The following CCNI2 variants were observed in gnomAD, a reference collection of about 807,000 sequenced individuals.
CCNI2 encodes cyclin I family member 2.
A neutral mutation model predicts 33.2 loss-of-function variants in CCNI2; 32 were observed. The ratio of observed to expected loss-of-function variants is 0.96; its 90% CI spans 0.73 to 1.30. The LOEUF is 1.30. CCNI2 is among the 50% of genes most tolerant of loss of function. The probability of loss-of-function intolerance (pLI) is 0.00; values close to 1 mark genes in which losing one functional copy is unlikely to be tolerated. For missense variants in CCNI2, 452 were observed against 486.2 expected, an observed-to-expected ratio of 0.93 and a Z score of 0.66; for synonymous variants, 231 against 219.9, an observed-to-expected ratio of 1.05 and a Z score of -0.45.
downstream of CCNI2, among the ~76,000 whole-genome samples, chr5:132,755,657 G>A (rs1755260869): frequency 6.6e-6 from 1 of 152,192 alleles, no homozygotes; most frequent in Non-Finnish European, 1.5e-5. Context: ...AATATTAGTA[G>A]TCCCGTGGCA....
In CCNI2 at chr5:132,747,927, A is replaced by G. The variant is rs1233405789; in HGVS notation, c.429+3A>G. ...TGTGGCGGGGCGGCAAACCCCAGGT[A>G]CCCGTCGCTGCCGCGTGGCCCTCCT... On this transcript the variant is annotated splice_donor_region_variant and intron_variant, in intron 1 of 5. Coordinates refer to ENST00000378731, the MANE Select transcript of CCNI2 (RefSeq NM_001039780.4). This position sits in a 1 kb window ranked among gnomAD's most constrained non-coding sequence, Gnocchi z 4.1. 1.5e-6 allele frequency: 2 copies of G among 1,374,590 alleles called. No homozygotes were observed. Among genetic ancestry groups the G allele is most frequent in the East Asian group, 3.0e-5 (1 of 33,212 alleles). 85.1% of individuals were successfully genotyped at this position (1,374,590 alleles called of 1,614,324 possible). A position where few individuals can be genotyped will look rare whatever the true frequency, so the allele number is the denominator to read the frequency against.
intron 5 of CCNI2, 70 bp downstream of exon 5, chr5:132,752,266 A>G (rs1426255233): frequency 1.4e-6 from 2 of 1,471,582 alleles, no homozygotes; most frequent in Non-Finnish European, 1.8e-6. Flanking sequence ...CTGACCCCAA[A>G]GGGGTACCCT....
intron 1 of CCNI2, 125 bp from the exon 2 acceptor site, chr5:132,748,222 C>A: frequency 7.6e-7 from 1 of 1,322,018 alleles, no homozygotes; most frequent in Non-Finnish European, 1.0e-6. Context: ...TCCCAGCGGG[C>A]ATGCAGAGGA....
At chr5:132,752,829 G>A in intron 5 of CCNI2, 37 bp from the exon 6 acceptor site, 1 of 1,558,560 alleles carries the variant, frequency 6.4e-7, no homozygotes, top group Non-Finnish European at 8.8e-7. Context: ...AATGTATGAT[G>A]GTTCTGCTTG....
Position 132,753,188 on chromosome 5 carries a change from C to T in CCNI2, c.*218C>T, listed in dbSNP as rs1755012807. ...GTAGAGGTCAGGGTGGTCTGATAGA[C>T]TATGACCCTGTCTTCCCTTTTTCTC... On this transcript the variant is annotated 3_prime_UTR_variant, in exon 6 of 6. Transcript: ENST00000378731. 3.8e-6 allele frequency: 2 copies of T among 529,680 alleles called. No homozygotes were observed. The highest frequency in any genetic ancestry group is 6.8e-6 in the Non-Finnish European group (2 of 295,900). 32.8% of individuals were successfully genotyped at this position (529,680 alleles called of 1,614,324 possible).
chr5:132,751,787 G>A (rs1754864393), intron 4 of CCNI2, 179 bp from the exon 5 acceptor site: 1 of 709,804 alleles, frequency 1.4e-6, no homozygotes, highest in Non-Finnish European at 2.3e-6. Flanking sequence ...TGGAAGCTCA[G>A]CTTGGCCACA....
In CCNI2 at chr5:132,749,385, C is replaced by T; in HGVS notation, c.596C>T (p.Ser199Phe). 1.9e-6 allele frequency: 3 copies of T among 1,614,174 alleles called. No individual in the cohort carries two copies. Among genetic ancestry groups the T allele is most frequent in the Non-Finnish European group, 2.5e-6 (3 of 1,180,006 alleles). ...TACCTGCATTGCGCCACAATTACTT[C>T]CTTGAGGCTCGCTGCAAAAGTTAAT... ...EKYLHCATITSLRLAAKVNEE... is the reference protein window; with the variant it reads ...EKYLHCATITFLRLAAKVNEE... Residue 199 changes from serine to phenylalanine, a missense_variant, in exon 3 of 6, where the codon TCC becomes TTC. By Grantham distance (155) the Ser-to-Phe change is radical. Transcript: ENST00000378731.
intron 5 of CCNI2, 56 bp downstream of exon 5, chr5:132,752,252 C>T (rs982438073): frequency 2.0e-6 from 3 of 1,512,096 alleles, no homozygotes; most frequent in Non-Finnish European, 2.7e-6. Flanking sequence ...TTAGCTGACA[C>T]ACTCTGACCC....
intron 4 of CCNI2, chr5:132,751,678 T>C (rs1754852683): frequency 1.9e-6 from 1 of 524,588 alleles, no homozygotes; most frequent in African/African-American, 1.9e-5. Flanking sequence ...TTGAATAGTA[T>C]GTTTCTATTT....
intron 5 of CCNI2, among the ~76,000 whole-genome samples, chr5:132,752,451 G>A (rs1480305194): frequency 6.6e-6 from 1 of 152,214 alleles, no homozygotes; most frequent in Non-Finnish European, 1.5e-5. Flanking sequence ...CTCAATGGGA[G>A]CCCTTGTAGC....
At chr5:132,751,387 T>C (rs1382821347) in intron 4 of CCNI2, 3 of 190,116 alleles carry the variant, frequency 1.6e-5, no homozygotes, top group Admixed American at 1.1e-4. Flanking sequence ...ACACAATCCT[T>C]ATTGAAGCTT....
chr5:132,756,003 C>T (rs1473459115), downstream of CCNI2: 8 of 985,028 alleles, frequency 8.1e-6, no homozygotes, highest in East Asian at 6.8e-4. Context: ...ACCACAAAAA[C>T]TCAAAATAAA....
chr5:132,748,206 G>A (rs139164116), intron 1 of CCNI2, 141 bp from the exon 2 acceptor site: 130 of 1,206,976 alleles, frequency 1.1e-4, no homozygotes, highest in Non-Finnish European at 1.4e-4. Context: ...GCCGGGGGGC[G>A]CTTACTCCCA....
intron 4 of CCNI2, chr5:132,751,613 G>A: frequency 3.1e-6 from 1 of 324,966 alleles, no homozygotes; most frequent in South Asian, 5.4e-5. Context: ...TTGCCAAGTT[G>A]CAGAGTTTCG....
At chr5:132,749,505 C>A in intron 3 of CCNI2, 83 bp downstream of exon 3, 1 of 1,141,802 alleles carries the variant, frequency 8.8e-7, no homozygotes, top group Non-Finnish European at 1.3e-6. Context: ...CCTGATAGGT[C>A]TGTGCCCTTA....
intron 2 of CCNI2, among the ~76,000 whole-genome samples, chr5:132,748,804 A>G (rs1447310152): frequency 6.6e-6 from 1 of 152,130 alleles, no homozygotes; most frequent in Non-Finnish European, 1.5e-5. Flanking sequence ...AGAAGGTGCC[A>G]TATTTCCCAC....
In CCNI2 at chr5:132,752,011, C is replaced by T; in HGVS notation, c.820C>T (p.Leu274=). 6.2e-7 allele frequency: 1 copy of T among 1,612,346 alleles called. No individual in the cohort carries two copies. The highest frequency in any genetic ancestry group is 8.5e-7 in the Non-Finnish European group (1 of 1,179,452). Reference sequence around the variant, plus strand: ...GAGCTGGCCCCATGTGTTGGAGCTGCTGCCTCAGAGGAATCCTTCCCTCCA... The same window carrying T: ...GAGCTGGCCCCATGTGTTGGAGCTGTTGCCTCAGAGGAATCCTTCCCTCCA... ...VLSWPHVLEL[L]PQRNPSLHVA... The change falls in exon 5 of 6, where the codon CTG becomes TTG. Residue 274 remains leucine (L), a synonymous_variant. Transcript: ENST00000378731.
chr5:132,747,586 G>C lies in CCNI2; in HGVS notation c.91G>C (p.Glu31Gln). 2.7e-6 allele frequency: 4 copies of C among 1,497,538 alleles called. No individual in the cohort carries two copies. The highest frequency in any genetic ancestry group is 3.5e-6 in the Non-Finnish European group (4 of 1,129,732). The allele number at this position is 1,497,538 out of a possible 1,614,324, so 92.8% of individuals were successfully genotyped here. A position where few individuals can be genotyped will look rare whatever the true frequency, so the allele number is the denominator to read the frequency against. Reference sequence around the variant, plus strand: ...AGGCGGGCGTCCCGGCGCCGGTCTGGAGGAAACAGCCCTGGGCGTTCCTCT... The same window carrying C: ...AGGCGGGCGTCCCGGCGCCGGTCTGCAGGAAACAGCCCTGGGCGTTCCTCT... The part of the protein sequence containing the change: ...SPGGRPGAGL[E>Q]ETALGVPLPP... Residue 31 changes from glutamate (E) to glutamine (Q), a missense_variant, in exon 1 of 6, where the codon GAG becomes CAG. By Grantham distance (29) the Glu-to-Gln change is conservative. Coordinates refer to ENST00000378731, the MANE Select transcript of CCNI2 (RefSeq NM_001039780.4). The surrounding 1 kb of genome is among the most constrained non-coding windows in gnomAD (Gnocchi z 4.1).
At chr5:132,751,945 A>G in intron 4 of CCNI2, 21 bp from the exon 5 acceptor site, 11 of 1,591,610 alleles carry the variant, frequency 6.9e-6, no homozygotes, top group Non-Finnish European at 9.4e-6. Flanking sequence ...CTGTTCTAAC[A>G]TTAAAAACCA....
Sources: allele counts gnomAD v4.1 joint callset (sites outside exome capture counted in the v4.1 genomes callset), GRCh38; gene constraint gnomAD v4.1.1; non-coding constraint Gnocchi (gnomAD v3.1); transcripts MANE v1.5; gene names NCBI Gene and HGNC (gene_info 2026-07-23, HGNC 2026-07-21).